PARN: variants seen among roughly 807,000 people sequenced by gnomAD.
PARN encodes poly(A)-specific ribonuclease, also known as poly(A)-specific ribonuclease PARN.
In PARN, 71 loss-of-function variants were observed where a neutral mutation model predicts 102.8. That is an observed-to-expected ratio of 0.69 (90% CI 0.57 to 0.84). The LOEUF is 0.84. Among genes scored for constraint, PARN ranks in the 40% least tolerant of loss-of-function variants. The pLI, the probability that PARN is intolerant of heterozygous loss-of-function variation, is 0.00. For synonymous variants in PARN, 261 were observed against 252.9 expected, an observed-to-expected ratio of 1.03 and a Z score of -0.30; for missense variants, 782 against 760.9, an observed-to-expected ratio of 1.03 and a Z score of -0.33.
At chr16:14,604,719 G>A (rs944024042) in intron 10 of PARN, among the ~76,000 whole-genome samples, 4 of 152,070 alleles carry the variant, frequency 2.6e-5, no homozygotes, top group Admixed American at 2.0e-4. Context: ...AGATTCAAGT[G>A]ATTCTCCTGC....
chr16:14,621,442 C>T (rs1972292217), intron 5 of PARN, among the ~76,000 whole-genome samples: 1 of 152,152 alleles, frequency 6.6e-6, no homozygotes, highest in African/African-American at 2.4e-5. Context: ...GTACTTAATG[C>T]CACTGAGCTA....
chr16:14,583,073 A>C (rs1969629323), intron 16 of PARN, among the ~76,000 whole-genome samples: 1 of 152,214 alleles, frequency 6.6e-6, no homozygotes, highest in South Asian at 2.1e-4. Context: ...ACTTGCTATA[A>C]TGCTGGCCTT....
At chr16:14,573,639 A>G (rs1968941350) in intron 18 of PARN, among the ~76,000 whole-genome samples, 1 of 152,184 alleles carries the variant, frequency 6.6e-6, no homozygotes, top group African/African-American at 2.4e-5. Context: ...AACTCTCACA[A>G]TTCCTACATG....
chr16:14,552,178 A>T, intron 20 of PARN, 83 bp from the exon 21 acceptor site: 3 of 819,248 alleles, frequency 3.7e-6, no homozygotes, highest in Non-Finnish European at 4.1e-6. Flanking sequence ...TACATATTTC[A>T]GTATAGTCTA....
chr16:14,538,039 C>T (rs1966687666), intron 21 of PARN, among the ~76,000 whole-genome samples: 1 of 151,964 alleles, frequency 6.6e-6, no homozygotes, highest in Non-Finnish European at 1.5e-5. Flanking sequence ...TGAAATGTGA[C>T]TCTGAATCCC....
At chr16:14,593,400 A>G (rs1368168163) in intron 12 of PARN, 22 bp from the exon 13 acceptor site, 6 of 1,336,042 alleles carry the variant, frequency 4.5e-6, no homozygotes, top group Non-Finnish European at 6.5e-6. Flanking sequence ...CAAGGTTAGA[A>G]AAAAGACTTC....
chr16:14,522,348 T>C (rs1965781028), intron 21 of PARN, among the ~76,000 whole-genome samples: 1 of 152,120 alleles, frequency 6.6e-6, no homozygotes, highest in Non-Finnish European at 1.5e-5. Flanking sequence ...TAGAACTTTT[T>C]TTCCTAAATG....
At chr16:14,591,113 G>A (rs201377990) in intron 13 of PARN, among the ~76,000 whole-genome samples, 23 of 152,012 alleles carry the variant, frequency 1.5e-4, no homozygotes, top group Non-Finnish European at 2.8e-4. Flanking sequence ...GGGGAAGGCC[G>A]GGCACAGTGG....
intron 21 of PARN, among the ~76,000 whole-genome samples, chr16:14,524,529 G>A (rs771350883): frequency 2.8e-4 from 42 of 152,152 alleles, no homozygotes; most frequent in Non-Finnish European, 5.0e-4. Context: ...GCAAGCATTC[G>A]AAGTGGGGAA....
At chr16:14,476,483 C>T (rs1483953372) in intron 22 of PARN, among the ~76,000 whole-genome samples, 1 of 152,182 alleles carries the variant, frequency 6.6e-6, no homozygotes, top group Non-Finnish European at 1.5e-5. Flanking sequence ...AGGTCTCTGT[C>T]ATAACTACCC....
chr16:14,439,160 C>T (rs566654249), intron 23 of PARN, among the ~76,000 whole-genome samples: 1 of 151,848 alleles, frequency 6.6e-6, no homozygotes, highest in South Asian at 2.1e-4. Context: ...AGGCTTGAGC[C>T]CAGGAGTTTG....
At chr16:14,596,267 G>A (rs572436655) in intron 12 of PARN, among the ~76,000 whole-genome samples, 32 of 152,116 alleles carry the variant, frequency 2.1e-4, no homozygotes, top group Admixed American at 3.9e-4. Flanking sequence ...AGGATGGGGG[G>A]CTTGTTCAGA....
At chr16:14,439,583 T>C (rs1228538203) in intron 23 of PARN, among the ~76,000 whole-genome samples, 3 of 152,162 alleles carry the variant, frequency 2.0e-5, no homozygotes, top group Non-Finnish European at 2.9e-5. Flanking sequence ...GAAGAAAACA[T>C]AGAAGAAAAT....
chr16:14,463,850 GAC>G lies in PARN; in HGVS notation c.1671-16771_1671-16770del, dbSNP rs1447037610. Among the ~76,000 whole-genome samples the G allele has an allele frequency of 2.5e-3, 323 of 127,786 alleles. 12 individuals are homozygous for G. Among genetic ancestry groups the G allele is most frequent in the African/African-American group, 8.8e-3 (285 of 32,216 alleles). 83.8% of individuals were successfully genotyped at this position (127,786 alleles called of 152,430 possible). A position where few individuals can be genotyped will look rare whatever the true frequency, so the allele number is the denominator to read the frequency against. On this transcript the variant is annotated intron_variant, in intron 22 of 23. Coordinates refer to ENST00000437198, the MANE Select transcript of PARN (RefSeq NM_002582.4). The stretch of plus-strand genomic sequence containing the variant: ...AAACTTTTTTTTTTGGGGGGGGGGG[GAC>G]GACAAGGTCTCACTCTGTCACCCAG...
chr16:14,557,883 C>G (rs1967795625), intron 18 of PARN, among the ~76,000 whole-genome samples: 1 of 152,138 alleles, frequency 6.6e-6, no homozygotes, highest in Admixed American at 6.5e-5. Context: ...GTGAGGGCAG[C>G]TATCATGTTT....
chr16:14,462,157 T>G (rs994603912), intron 22 of PARN, among the ~76,000 whole-genome samples: 2 of 152,176 alleles, frequency 1.3e-5, no homozygotes, highest in African/African-American at 4.8e-5. Context: ...TTAATGTCCT[T>G]ATAGACATAA....
At chr16:14,565,867 T>C (rs1376105524) in intron 18 of PARN, among the ~76,000 whole-genome samples, 1 of 152,188 alleles carries the variant, frequency 6.6e-6, no homozygotes, top group Non-Finnish European at 1.5e-5. Context: ...GGGCTGCCTT[T>C]AGAAAAAACA....
chr16:14,581,089 G>A (rs556282265), intron 17 of PARN, 146 bp from the exon 18 acceptor site: 9 of 531,500 alleles, frequency 1.7e-5, no homozygotes, highest in South Asian at 3.0e-5. Context: ...TTTCACTCTT[G>A]TTGCCCAGGC....
chr16:14,614,433 G>T lies in PARN; in HGVS notation c.388+3157C>A, dbSNP rs1971732571. On this transcript the variant is annotated intron_variant, in intron 6 of 23. Coordinates refer to ENST00000437198, the MANE Select transcript of PARN (RefSeq NM_002582.4). ...GAGGATACTAAAGTCACCCAGAGAG[G>T]GGCAGGAGTGGAGAGAATTATAACA... is the stretch of plus-strand genomic sequence containing the variant. Among the ~76,000 whole-genome samples the T allele has an allele frequency of 4.6e-5, 7 of 152,184 alleles. No individual in the cohort carries two copies. In the South Asian group the frequency reaches 1.4e-3, roughly 31 times the overall value.
Sources: allele counts gnomAD v4.1 joint callset (sites outside exome capture counted in the v4.1 genomes callset), GRCh38; gene constraint gnomAD v4.1.1; transcripts MANE v1.5; gene names NCBI Gene and HGNC (gene_info 2026-07-23, HGNC 2026-07-21).